TUBA8: variants seen among roughly 807,000 people sequenced by gnomAD.
TUBA8 encodes the protein tubulin alpha 8, also known as tubulin alpha-8 chain.
Under a neutral mutation model 34.7 loss-of-function variants are expected in TUBA8, and 29 were observed. The observed-to-expected ratio is 0.84, with a 90% CI of 0.62 to 1.14. The LOEUF (loss-of-function observed/expected upper bound fraction) is 1.14. Among genes scored for constraint, TUBA8 ranks in the 50% most tolerant of loss-of-function variants. The probability of loss-of-function intolerance (pLI) is 0.00; values close to 1 mark genes in which losing one functional copy is unlikely to be tolerated. For missense variants in TUBA8, 541 were observed against 599.2 expected, an observed-to-expected ratio of 0.90 and a Z score of 1.01; for synonymous variants, 226 against 231.2, an observed-to-expected ratio of 0.98 and a Z score of 0.21.
rs756503256 is a variant in TUBA8, at chr22:18,130,940, C to A, written c.1154C>A (p.Ala385Glu). The A allele has an allele frequency of 2.5e-6, 4 of 1,614,122 alleles. No homozygotes were observed. Among genetic ancestry groups the A allele is most frequent in the East Asian group, 4.5e-5 (2 of 44,872 alleles). ...VCMLSNTTAI[A>E]EAWARLDHKF... ...ATGCTCAGCAACACCACGGCCATTG[C>A]GGAGGCCTGGGCCCGCCTCGACCAC... is the stretch of plus-strand genomic sequence containing the variant. The change falls in exon 5 of 5, where the codon GCG (alanine) becomes GAG (glutamate). Residue 385 changes from alanine (A) to glutamate (E), a missense_variant. Transcript: ENST00000330423.
rs1326253645 is a variant in TUBA8, at chr22:18,111,957, C to G, written c.3+1089C>G. The G allele has an allele frequency of 6.6e-6, 1 of 152,208 alleles. No homozygotes were observed. Among genetic ancestry groups the G allele is most frequent in the Non-Finnish European group, 1.5e-5 (1 of 68,072 alleles). 9.4% of individuals were successfully genotyped at this position (152,208 alleles called of 1,614,324 possible). ...CCAGCTTCAGTTTTGTCAGCACCCTCCCTCCTCCTAGCGGGCTCCCAGACA... is the reference window on the plus strand; with the variant it reads ...CCAGCTTCAGTTTTGTCAGCACCCTGCCTCCTCCTAGCGGGCTCCCAGACA... On this transcript the variant is annotated intron_variant, in intron 1 of 4. Coordinates refer to ENST00000330423, the MANE Select transcript of TUBA8 (RefSeq NM_018943.3). This position sits in a 1 kb window ranked among gnomAD's most constrained non-coding sequence, Gnocchi z 5.1.
At chr22:18,130,758 A>G in intron 4 of TUBA8, 85 bp from the exon 5 acceptor site, 1 of 1,583,366 alleles carries the variant, frequency 6.3e-7, no homozygotes, top group Non-Finnish European at 8.7e-7. Context: ...AAGCCATGCC[A>G]AGTGACCAAG....
intron 4 of TUBA8, chr22:18,128,842 T>A (rs1405748322): frequency 6.6e-6 from 1 of 152,310 alleles, no homozygotes; most frequent in African/African-American, 2.4e-5. Flanking sequence ...CCACCAAGCC[T>A]GGCCCCTAGT....
At chr22:18,120,523 A>G (rs994173799) in intron 1 of TUBA8, 6 of 152,206 alleles carry the variant, frequency 3.9e-5, no homozygotes, top group Admixed American at 2.0e-4. Flanking sequence ...TTCTGTATCC[A>G]GTCTACCATT....
chr22:18,126,459 T>C lies in TUBA8; in HGVS notation c.481T>C (p.Tyr161His), dbSNP rs768505167. The C allele has an allele frequency of 1.9e-6, 3 of 1,614,082 alleles. No individual in the cohort carries two copies. Among genetic ancestry groups the C allele is most frequent in the Non-Finnish European group, 2.5e-6 (3 of 1,180,006 alleles). The change falls in exon 4 of 5, where the codon TAT becomes CAT. Residue 161 changes from tyrosine to histidine, a missense_variant. Transcript: ENST00000330423. The surrounding 1 kb of genome is among the most constrained non-coding windows in gnomAD (Gnocchi z 4.0). ...SLLMERLSLD[Y>H]GKKSKLEFAI... ...GCTGATGGAACGCCTCTCCCTGGAT[T>C]ATGGCAAGAAATCCAAGCTGGAGTT...
At position 18,121,251 on chromosome 22, in the gene TUBA8, T is replaced by C; in HGVS notation, c.4-228T>C. On this transcript the variant is annotated intron_variant, in intron 1 of 4. Coordinates refer to ENST00000330423, the MANE Select transcript of TUBA8 (RefSeq NM_018943.3). This position sits in a 1 kb window ranked among gnomAD's most constrained non-coding sequence, Gnocchi z 4.8. ...CTTTTTTCTTTCCTGGTATAAAAGG[T>C]CAACCCTGGGAAGCAACCTTTAGAG... 3 of 558,654 alleles carry C rather than the reference T, an allele frequency of 5.4e-6. No individual in the cohort carries two copies. The East Asian group carries it at 9.1e-5, about 17-fold the overall frequency. The allele number at this position is 558,654 out of a possible 1,614,324, so 34.6% of individuals were successfully genotyped here.
At chr22:18,127,825 G>C (rs1928386727) in intron 4 of TUBA8, 1 of 150,026 alleles carries the variant, frequency 6.7e-6, no homozygotes, top group Admixed American at 6.7e-5. Context: ...AGCCTCCCGA[G>C]TAACTGGGAC....
Position 18,131,461 on chromosome 22 carries a change from A to C in TUBA8, c.*325A>C. On this transcript the variant is annotated 3_prime_UTR_variant, in exon 5 of 5. Transcript: ENST00000330423. The surrounding 1 kb of genome is among the most constrained non-coding windows in gnomAD (Gnocchi z 5.3). ...AGATCGGGCTGGGTCCAGCCCCAAA[A>C]CATGGCCTGCTGGCTGGGGAGTGGG... 2.9e-6 allele frequency: 1 copy of C among 344,906 alleles called. No homozygotes were observed. Among genetic ancestry groups the C allele is most frequent in the Non-Finnish European group, 5.5e-6 (1 of 181,490 alleles). 21.4% of individuals were successfully genotyped at this position (344,906 alleles called of 1,614,324 possible). A position where few individuals can be genotyped will look rare whatever the true frequency, so the allele number is the denominator to read the frequency against.
Position 18,131,236 on chromosome 22 carries a change from C to A in TUBA8, c.*100C>A. The A allele has an allele frequency of 7.3e-7, 1 of 1,363,564 alleles. No individual in the cohort carries two copies. Among genetic ancestry groups the A allele is most frequent in the Non-Finnish European group, 1.0e-6 (1 of 972,878 alleles). The allele number at this position is 1,363,564 out of a possible 1,614,324, so 84.5% of individuals were successfully genotyped here. On this transcript the variant is annotated 3_prime_UTR_variant, in exon 5 of 5. Coordinates refer to ENST00000330423, the MANE Select transcript of TUBA8 (RefSeq NM_018943.3). This position sits in a 1 kb window ranked among gnomAD's most constrained non-coding sequence, Gnocchi z 5.3. ...CACTCTCCCCGCCCCAGCCTGATTC[C>A]TGCCTTACCCAGGAGGAGGGTGCCT...
intron 4 of TUBA8, 41 bp from the exon 5 acceptor site, chr22:18,130,802 G>C: frequency 6.2e-7 from 1 of 1,612,322 alleles, no homozygotes; most frequent in Non-Finnish European, 8.5e-7. Flanking sequence ...TGGCTGACTT[G>C]TATCTTCTTC....
intron 1 of TUBA8, chr22:18,113,576 C>A (rs1927877274): frequency 6.6e-6 from 1 of 152,228 alleles, no homozygotes; most frequent in Non-Finnish European, 1.5e-5. Context: ...AGCCCGTCTC[C>A]CTGCAAAAAT....
Position 18,124,880 on chromosome 22 carries a change from CTTTA to C in TUBA8, c.375+585_375+588del, listed in dbSNP as rs987019788. Reference sequence around the variant, plus strand: ...AGCTCTTGAGTTGTAGGTTGTGTCACTTTATTTATTTAAGCTTCCATTTGCTTAT... The same window carrying C: ...AGCTCTTGAGTTGTAGGTTGTGTCACTTTATTTAAGCTTCCATTTGCTTAT... On this transcript the variant is annotated intron_variant, in intron 3 of 4. Transcript: ENST00000330423. The surrounding 1 kb of genome is among the most constrained non-coding windows in gnomAD (Gnocchi z 4.3). 3 of 152,840 alleles carry C rather than the reference CTTTA, an allele frequency of 2.0e-5. No homozygotes were observed. The highest frequency in any genetic ancestry group is 1.9e-4 in the East Asian group (1 of 5,200). 9.5% of individuals were successfully genotyped at this position (152,840 alleles called of 1,614,324 possible).
At position 18,131,463 on chromosome 22, in the gene TUBA8, A is replaced by G. The variant is rs1306483064; in HGVS notation, c.*327A>G. 1.8e-5 allele frequency: 6 copies of G among 334,108 alleles called. 1 individual carries two copies. Among genetic ancestry groups the G allele is most frequent in the South Asian group, 5.7e-5 (2 of 35,298 alleles). 20.7% of individuals were successfully genotyped at this position (334,108 alleles called of 1,614,324 possible). A position where few individuals can be genotyped will look rare whatever the true frequency, so the allele number is the denominator to read the frequency against. On this transcript the variant is annotated 3_prime_UTR_variant, in exon 5 of 5. Transcript: ENST00000330423. The surrounding 1 kb of genome is among the most constrained non-coding windows in gnomAD (Gnocchi z 5.3). ...ATCGGGCTGGGTCCAGCCCCAAAAC[A>G]TGGCCTGCTGGCTGGGGAGTGGGAA... is the stretch of plus-strand genomic sequence containing the variant.
rs1272123039 is a variant in TUBA8, at chr22:18,124,146, C to G, written c.227-10C>G. On this transcript the variant is annotated splice_polypyrimidine_tract_variant and intron_variant, in intron 2 of 4. Coordinates refer to ENST00000330423, the MANE Select transcript of TUBA8 (RefSeq NM_018943.3). The surrounding 1 kb of genome is among the most constrained non-coding windows in gnomAD (Gnocchi z 4.3). ...GGCAGTAGGACCTAATGGTCTTCCT[C>G]TCTTGGAAGATGAGGTTCGGGCAGG... 6.2e-7 allele frequency: 1 copy of G among 1,614,150 alleles called. No homozygotes were observed. The highest frequency in any genetic ancestry group is 1.3e-5 in the African/African-American group (1 of 75,036).
chr22:18,126,268 A>T lies in TUBA8; in HGVS notation c.376-86A>T. 7.8e-7 allele frequency: 1 copy of T among 1,275,448 alleles called. No homozygotes were observed. Among genetic ancestry groups the T allele is most frequent in the Non-Finnish European group, 1.1e-6 (1 of 878,056 alleles). The allele number at this position is 1,275,448 out of a possible 1,614,324, so 79.0% of individuals were successfully genotyped here. ...TCATCCACAAAAAAATATGAGGCAG[A>T]CAGAGTGGGCGGTCTGGCTTTTTTA... On this transcript the variant is annotated intron_variant, in intron 3 of 4. Coordinates refer to ENST00000330423, the MANE Select transcript of TUBA8 (RefSeq NM_018943.3). This position sits in a 1 kb window ranked among gnomAD's most constrained non-coding sequence, Gnocchi z 4.0.
At position 18,126,228 on chromosome 22, in the gene TUBA8, A is replaced by T; in HGVS notation, c.376-126A>T. The T allele has an allele frequency of 1.1e-6, 1 of 914,742 alleles. No homozygotes were observed. Among genetic ancestry groups the T allele is most frequent in the Non-Finnish European group, 1.8e-6 (1 of 569,094 alleles). The allele number at this position is 914,742 out of a possible 1,614,324, so 56.7% of individuals were successfully genotyped here. ...ACTCCTTTTGTTTCCTTACTTCTTC[A>T]AAGCTGTTTTGATTTCATCCACAAA... is the stretch of plus-strand genomic sequence containing the variant. On this transcript the variant is annotated intron_variant, in intron 3 of 4. Transcript: ENST00000330423. The surrounding 1 kb of genome is among the most constrained non-coding windows in gnomAD (Gnocchi z 4.0).
In TUBA8 at chr22:18,124,131, C is replaced by G; in HGVS notation, c.227-25C>G. 1.2e-6 allele frequency: 2 copies of G among 1,613,992 alleles called. No individual in the cohort carries two copies. Among genetic ancestry groups the G allele is most frequent in the African/African-American group, 2.7e-5 (2 of 75,016 alleles). ...GAGGCTTCTCCCCTGGGCAGTAGGA[C>G]CTAATGGTCTTCCTCTCTTGGAAGA... On this transcript the variant is annotated intron_variant, in intron 2 of 4. Transcript: ENST00000330423. The surrounding 1 kb of genome is among the most constrained non-coding windows in gnomAD (Gnocchi z 4.3).
chr22:18,130,575 C>CT (rs1489300061), intron 4 of TUBA8: 13 of 524,550 alleles, frequency 2.5e-5, no homozygotes, highest in Non-Finnish European at 3.8e-5. Flanking sequence ...TAGGCATAGC[C>CT]ACCGGGCCTG....
Position 18,131,218 on chromosome 22 carries a change from C to T in TUBA8, c.*82C>T. On this transcript the variant is annotated 3_prime_UTR_variant, in exon 5 of 5. Coordinates refer to ENST00000330423, the MANE Select transcript of TUBA8 (RefSeq NM_018943.3). The surrounding 1 kb of genome is among the most constrained non-coding windows in gnomAD (Gnocchi z 5.3). The stretch of plus-strand genomic sequence containing the variant: ...ATGTTCAAGAGAACAGAACACTCTC[C>T]CCGCCCCAGCCTGATTCCTGCCTTA... 2 of 1,463,570 alleles carry T rather than the reference C, an allele frequency of 1.4e-6. No homozygotes were observed. Among genetic ancestry groups the T allele is most frequent in the East Asian group, 2.3e-5 (1 of 43,230 alleles). The allele number at this position is 1,463,570 out of a possible 1,614,324, so 90.7% of individuals were successfully genotyped here.
Sources: gnomAD v4.1 joint callset for allele counts on GRCh38, gnomAD v4.1.1 for gene constraint, Gnocchi (gnomAD v3.1) non-coding constraint, MANE v1.5 for transcripts, NCBI Gene and HGNC (gene_info 2026-07-23, HGNC 2026-07-21) for gene names.